LNX1: variants seen among roughly 807,000 people sequenced by gnomAD.
The protein encoded by LNX1 is E3 ubiquitin-protein ligase LNX.
Under a neutral mutation model 68.4 loss-of-function variants are expected in LNX1, and 54 were observed. The observed-to-expected ratio is 0.79, with a 90% confidence interval of 0.63 to 0.99. The LOEUF is 0.99. LNX1 is among the 50% of genes least tolerant of loss of function. LNX1 has a pLI of 0.00. For missense variants in LNX1, 906 were observed against 926.4 expected (o/e 0.98, Z 0.29); for synonymous variants, 336 against 350.0 (o/e 0.96, Z 0.45).
upstream of LNX1, among the ~76,000 whole-genome samples, chr4:53,594,951 A>G (rs1056770594): frequency 6.6e-6 from 1 of 152,090 alleles, no homozygotes; most frequent in African/African-American, 2.4e-5. Context: ...ACCTCAAGTG[A>G]TCCTCCCACC....
intron 2 of LNX1, among the ~76,000 whole-genome samples, chr4:53,599,633 G>A (rs1732905971): frequency 6.6e-6 from 1 of 152,074 alleles, no homozygotes; most frequent in African/African-American, 2.4e-5. Flanking sequence ...TCTGGATCGG[G>A]ACCCCTTTCC....
chr4:53,504,249 A>G (rs758250694), intron 4 of LNX1, among the ~76,000 whole-genome samples: 1 of 152,236 alleles, frequency 6.6e-6, no homozygotes, highest in African/African-American at 2.4e-5. Context: ...CGTTACAATC[A>G]GCATCTGCTG....
At chr4:53,468,099 G>A (rs1052732753) in intron 9 of LNX1, among the ~76,000 whole-genome samples, 13 of 152,136 alleles carry the variant, frequency 8.5e-5, no homozygotes, top group African/African-American at 1.4e-4. Context: ...GAGAAAGGTC[G>A]GGTTACCCAC....
At chr4:53,510,782 T>G (rs146701117) in intron 2 of LNX1, among the ~76,000 whole-genome samples, 1 of 152,338 alleles carries the variant, frequency 6.6e-6, no homozygotes, top group Non-Finnish European at 1.5e-5. Flanking sequence ...GCAATGCTCT[T>G]GACCATGTGC....
At chr4:53,480,303 T>C (rs1723828267) in intron 7 of LNX1, among the ~76,000 whole-genome samples, 1 of 152,144 alleles carries the variant, frequency 6.6e-6, no homozygotes. Flanking sequence ...TTAAGACATA[T>C]GACAGAGGGT....
intron 4 of LNX1, among the ~76,000 whole-genome samples, chr4:53,506,759 G>C (rs1272819065): frequency 6.7e-6 from 1 of 149,154 alleles, no homozygotes; most frequent in African/African-American, 2.5e-5. Flanking sequence ...GGGAGGCTGA[G>C]ACAGGAGAAT....
intron 2 of LNX1, among the ~76,000 whole-genome samples, chr4:53,564,803 G>A (rs967491900): frequency 2.0e-5 from 3 of 152,220 alleles, no homozygotes; most frequent in Non-Finnish European, 4.4e-5. Flanking sequence ...TGCGCCAGCC[G>A]AAGCAGGGCG....
rs542858794 is a variant in LNX1 at position 53,470,957 on chromosome 4, CA to C, written c.1892+5795del. Among the ~76,000 whole-genome samples, 1,342 of 151,170 alleles carry C rather than the reference CA, an allele frequency of 8.9e-3. 20 individuals are homozygous for C. The highest frequency in any genetic ancestry group is 0.031 in the African/African-American group (1,281 of 41,044). Reference sequence around the variant, plus strand: ...TTCAGTGCCATCCCCATCGAGCTACCAATGACTTTCTTCACAGAATTGGAAA... The same window carrying C: ...TTCAGTGCCATCCCCATCGAGCTACCATGACTTTCTTCACAGAATTGGAAA... On this transcript the variant is annotated intron_variant, in intron 9 of 10. Coordinates refer to ENST00000263925, the MANE Select transcript of LNX1 (RefSeq NM_001126328.3).
intron 2 of LNX1, among the ~76,000 whole-genome samples, chr4:53,538,072 T>C (rs114399834): frequency 0.011 from 1,610 of 152,340 alleles, 35 homozygotes; most frequent in African/African-American, 0.037. Context: ...GCAATTGGTT[T>C]CAACCAACCA....
chr4:53,598,363 C>T (rs777205881), intron 2 of LNX1, among the ~76,000 whole-genome samples: 1 of 151,712 alleles, frequency 6.6e-6, no homozygotes, highest in Non-Finnish European at 1.5e-5. Context: ...CTCCCAAGTA[C>T]CTGGGACTAC....
chr4:53,623,866 T>C (rs1733975793), intron 1 of LNX1, among the ~76,000 whole-genome samples: 1 of 152,312 alleles, frequency 6.6e-6, no homozygotes. Flanking sequence ...GTAGCAAAGC[T>C]GGAAGTTAAA....
chr4:53,575,909 A>T (rs1253679702), intron 1 of LNX1: 15 of 1,572,590 alleles, frequency 9.5e-6, no homozygotes, highest in African/African-American at 1.3e-5. Flanking sequence ...GACTGCCGAG[A>T]GGCTGTGCAG....
intron 2 of LNX1, among the ~76,000 whole-genome samples, chr4:53,515,513 A>C (rs60475646): frequency 0.39 from 31,741 of 82,154 alleles, 3,817 homozygotes; most frequent in East Asian, 0.47. Flanking sequence ...TAAGGCCCCC[A>C]CCCCACCAAA....
At chr4:53,611,052 G>A (rs993458855) in intron 2 of LNX1, among the ~76,000 whole-genome samples, 10 of 151,938 alleles carry the variant, frequency 6.6e-5, no homozygotes, top group Non-Finnish European at 5.9e-5. Flanking sequence ...GGAAAAAAGA[G>A]GTAAAACTGT....
chr4:53,528,749 C>G (rs1424690960), intron 2 of LNX1, among the ~76,000 whole-genome samples: 1 of 152,072 alleles, frequency 6.6e-6, no homozygotes, highest in Non-Finnish European at 1.5e-5. Context: ...CTGGCCTAAA[C>G]AAACTGGGTA....
intron 2 of LNX1, among the ~76,000 whole-genome samples, chr4:53,562,882 C>A (rs1008496178): frequency 2.2e-4 from 33 of 152,034 alleles, no homozygotes; most frequent in African/African-American, 6.8e-4. Context: ...TATTGTACAC[C>A]ATACACATAT....
chr4:53,612,696 A>C (rs1295831498), intron 2 of LNX1, among the ~76,000 whole-genome samples: 1 of 107,426 alleles, frequency 9.3e-6, no homozygotes, highest in African/African-American at 3.2e-5. Flanking sequence ...TATGCCAGCT[A>C]ATTTTTGTAT....
At chr4:53,652,042 AGAGAGAGAGAGAG>A (rs1735124072) in intron 1 of LNX1, 1 of 151,996 alleles carries the variant, frequency 6.6e-6, no homozygotes, top group African/African-American at 2.4e-5. Context: ...AGAGAGAGAG[AGAGAGAGAGAGAG>A]AGAGAGACAG....
At chr4:53,601,692 C>T (rs1733025456) in intron 2 of LNX1, among the ~76,000 whole-genome samples, 1 of 152,174 alleles carries the variant, frequency 6.6e-6, no homozygotes. Context: ...TCTGTGCCCC[C>T]TAGAGGCAGC....
Sources: gnomAD v4.1 joint callset for allele counts (sites outside exome capture counted in the v4.1 genomes callset) on GRCh38, gnomAD v4.1.1 for gene constraint, MANE v1.5 for transcripts, NCBI Gene and HGNC (gene_info 2026-07-23, HGNC 2026-07-21) for gene names.